The following STK3 variants were observed in gnomAD, a reference collection of about 807,000 sequenced individuals.
STK3 encodes serine/threonine kinase 3.
A neutral mutation model predicts 58.0 loss-of-function variants in STK3; 41 were observed. The observed-to-expected ratio is 0.71, with a 90% CI of 0.55 to 0.92. The LOEUF is 0.92. Among genes scored for constraint, STK3 ranks in the 40% least tolerant of loss-of-function variants. The pLI is 0.00. For synonymous variants in STK3, 170 were observed against 191.0 expected, an observed-to-expected ratio of 0.89 and a Z score of 0.91; for missense variants, 479 against 602.7, an observed-to-expected ratio of 0.79 and a Z score of 2.15.
Position 98,735,645 on chromosome 8 carries a change from GT to G in STK3, c.351+13630del, listed in dbSNP as rs577038132. ...TTTTATCACCCATTAGAATACAGGA[GT>G]TTTACCTTTTTCCTAATTCTAGTAC... is the stretch of plus-strand genomic sequence containing the variant. On this transcript the variant is annotated intron_variant, in intron 4 of 10. Coordinates refer to ENST00000419617, the MANE Select transcript of STK3 (RefSeq NM_006281.4). 3.3e-5 allele frequency among the ~76,000 whole-genome samples: 5 copies of G among 152,212 alleles called. No homozygotes were observed. In the South Asian group the frequency reaches 1.0e-3, roughly 32 times the overall value.
chr8:98,452,887 A>G (rs1454999104), downstream of STK3, among the ~76,000 whole-genome samples: 2 of 150,264 alleles, frequency 1.3e-5, no homozygotes, highest in Non-Finnish European at 3.0e-5. Flanking sequence ...TAGCCTCCCA[A>G]GTAGCTGGGA....
intron 8 of STK3, among the ~76,000 whole-genome samples, chr8:98,566,915 T>C (rs75563334): frequency 7.5e-4 from 114 of 152,216 alleles, no homozygotes; most frequent in African/African-American, 2.7e-3. Flanking sequence ...TAAAAGAAAG[T>C]CAGTTCCCCA....
intron 6 of STK3, among the ~76,000 whole-genome samples, chr8:98,654,705 G>GC (rs1004400432): frequency 1.3e-5 from 2 of 152,104 alleles, no homozygotes; most frequent in Non-Finnish European, 2.9e-5. Flanking sequence ...CAAACAGAGA[G>GC]CCAAATCATG....
At chr8:98,374,864 C>T (rs1817656193) in intron 2 of STK3, among the ~76,000 whole-genome samples, 2 of 152,042 alleles carry the variant, frequency 1.3e-5, no homozygotes, top group African/African-American at 4.8e-5. Context: ...GCTAGAGGGG[C>T]TAGAGAAGGT....
chr8:98,498,817 C>T (rs1331116921), intron 10 of STK3, among the ~76,000 whole-genome samples: 2 of 152,172 alleles, frequency 1.3e-5, no homozygotes, highest in Non-Finnish European at 1.5e-5. Context: ...TCCTCGTCTT[C>T]TCCCCAATCT....
At chr8:98,441,583 C>A (rs527865148) in intron 1 of STK3, among the ~76,000 whole-genome samples, 28 of 152,320 alleles carry the variant, frequency 1.8e-4, no homozygotes, top group Non-Finnish European at 3.7e-4. Context: ...TCAGCACAAA[C>A]ATAAAGTCTG....
At chr8:98,923,854 TGCGCGC>T (rs3029998) in intron 1 of STK3, among the ~76,000 whole-genome samples, 16,291 of 113,508 alleles carry the variant, frequency 0.14, 1,283 homozygotes, top group East Asian at 0.34. Context: ...TGTGTGTGTG[TGCGCGC>T]GCGCGCGCGC....
At chr8:98,843,147 TAC>T (rs1836063084) in intron 3 of STK3, among the ~76,000 whole-genome samples, 1 of 151,982 alleles carries the variant, frequency 6.6e-6, no homozygotes. Context: ...AGTGACATTT[TAC>T]ATCACAGAGA....
At chr8:98,485,796 T>C (rs1822210114) in intron 10 of STK3, among the ~76,000 whole-genome samples, 1 of 151,938 alleles carries the variant, frequency 6.6e-6, no homozygotes, top group African/African-American at 2.4e-5. Context: ...CCTGGAGAAG[T>C]AGATGGGGGC....
chr8:98,533,096 T>C (rs907579853), intron 9 of STK3, among the ~76,000 whole-genome samples: 1 of 152,158 alleles, frequency 6.6e-6, no homozygotes, highest in African/African-American at 2.4e-5. Context: ...TGCTTATCCA[T>C]TTGTCTGTCA....
At chr8:98,830,052 C>T (rs1299694170), upstream of STK3, among the ~76,000 whole-genome samples, 2 of 152,076 alleles carry the variant, frequency 1.3e-5, no homozygotes, top group South Asian at 4.2e-4. Context: ...CATGGTGAAA[C>T]CCCGTCTCTA....
chr8:98,879,949 C>T (rs545631217), downstream of STK3: 4 of 152,302 alleles, frequency 2.6e-5, no homozygotes, highest in East Asian at 7.7e-4. Flanking sequence ...TGTCTAACAT[C>T]ATTTCCATAG....
At chr8:98,941,451 TGAG>T (rs1840425265) in intron 1 of STK3, among the ~76,000 whole-genome samples, 1 of 152,158 alleles carries the variant, frequency 6.6e-6, no homozygotes, top group African/African-American at 2.4e-5. Context: ...AGTGGAAGGC[TGAG>T]GAGAAGGGAG....
intron 3 of STK3, among the ~76,000 whole-genome samples, chr8:98,856,891 T>C (rs968753083): frequency 6.6e-6 from 1 of 152,170 alleles, no homozygotes; most frequent in Non-Finnish European, 1.5e-5. Flanking sequence ...AACAAAGTAC[T>C]GATATACTGC....
At chr8:98,429,520 T>C in intron 3 of STK3, 2 of 780,666 alleles carry the variant, frequency 2.6e-6, no homozygotes, top group Non-Finnish European at 4.2e-6. Flanking sequence ...GCCCAGCCCC[T>C]GAGGGGAGAG....
At chr8:98,667,703 T>G (rs190164462) in intron 6 of STK3, among the ~76,000 whole-genome samples, 1 of 152,244 alleles carries the variant, frequency 6.6e-6, no homozygotes, top group Admixed American at 6.5e-5. Context: ...GCCTATGCTG[T>G]TTTAAAAATA....
intron 2 of STK3, among the ~76,000 whole-genome samples, chr8:98,373,158 T>A (rs1817628447): frequency 6.6e-6 from 1 of 152,196 alleles, no homozygotes; most frequent in Non-Finnish European, 1.5e-5. Context: ...TGGTGCTCCA[T>A]AAATGGCAGT....
intron 6 of STK3, among the ~76,000 whole-genome samples, chr8:98,625,425 C>G (rs548845680): frequency 7.2e-5 from 11 of 152,266 alleles, no homozygotes; most frequent in Admixed American, 2.6e-4. Flanking sequence ...CCTTTTCCCT[C>G]TCCCAGTCCC....
intron 4 of STK3, among the ~76,000 whole-genome samples, chr8:98,740,965 C>A (rs1418726355): frequency 6.6e-6 from 1 of 152,214 alleles, no homozygotes. Flanking sequence ...ATAAAACAGA[C>A]TTTAAACCAA....
Sources: allele counts gnomAD v4.1 joint callset (sites outside exome capture counted in the v4.1 genomes callset), GRCh38; gene constraint gnomAD v4.1.1; transcripts MANE v1.5; gene names NCBI Gene and HGNC (gene_info 2026-07-23, HGNC 2026-07-21).